KLHDC4: variants seen among roughly 807,000 people sequenced by gnomAD.
KLHDC4 encodes the protein kelch domain-containing protein 4.
In KLHDC4, 90 loss-of-function variants were observed where a neutral mutation model predicts 62.4. That is an observed-to-expected ratio of 1.44 (90% CI 1.22 to 1.72). The LOEUF (loss-of-function observed/expected upper bound fraction) is 1.72. Among genes scored for constraint, KLHDC4 ranks in the 40% most tolerant of loss-of-function variants. The probability of loss-of-function intolerance (pLI) is 0.00; values close to 1 mark genes in which losing one functional copy is unlikely to be tolerated. For synonymous variants in KLHDC4, 386 were observed against 284.4 expected (o/e 1.36, Z -3.59); for missense variants, 1,025 against 699.7 (o/e 1.47, Z -5.25).
intron 8 of KLHDC4, among the ~76,000 whole-genome samples, chr16:87,712,989 A>G (rs1446354941): frequency 6.6e-6 from 1 of 152,018 alleles, no homozygotes; most frequent in Admixed American, 6.6e-5. Context: ...TCCTGGCATC[A>G]CTCTCTTGCT....
At chr16:87,709,875 A>C in intron 9 of KLHDC4, 2 of 602,472 alleles carry the variant, frequency 3.3e-6, no homozygotes, top group Non-Finnish European at 5.7e-6. Flanking sequence ...CTCGCCGTTC[A>C]CTCCTGGGCT....
intron 4 of KLHDC4, among the ~76,000 whole-genome samples, chr16:87,752,142 C>A (rs1184230585): frequency 7.0e-6 from 1 of 143,742 alleles, no homozygotes; most frequent in African/African-American, 2.6e-5. Flanking sequence ...CACAGTGGCT[C>A]ACGCCTGTAA....
intron 7 of KLHDC4, among the ~76,000 whole-genome samples, chr16:87,719,488 T>A (rs1363379313): frequency 1.3e-5 from 2 of 152,108 alleles, no homozygotes; most frequent in African/African-American, 4.8e-5. Flanking sequence ...TTAAGAGTCA[T>A]CACCACTCCC....
At chr16:87,724,844 A>G (rs1389860548) in intron 7 of KLHDC4, among the ~76,000 whole-genome samples, 1 of 152,156 alleles carries the variant, frequency 6.6e-6, no homozygotes, top group Non-Finnish European at 1.5e-5. Flanking sequence ...TATTTACCCA[A>G]GAGAAACCAA....
chr16:87,736,360 A>G (rs999645906), intron 5 of KLHDC4, among the ~76,000 whole-genome samples: 1 of 152,198 alleles, frequency 6.6e-6, no homozygotes, highest in African/African-American at 2.4e-5. Flanking sequence ...AAACATCGTG[A>G]GGCAGCCCGA....
chr16:87,733,909 G>A (rs1038289708), intron 5 of KLHDC4, among the ~76,000 whole-genome samples: 11 of 152,230 alleles, frequency 7.2e-5, no homozygotes, highest in Admixed American at 7.2e-4. Flanking sequence ...GCAAAGGATG[G>A]TTACAGCTTC....
At chr16:87,758,063 G>GA in intron 2 of KLHDC4, among the ~76,000 whole-genome samples, 1 of 152,130 alleles carries the variant, frequency 6.6e-6, no homozygotes, top group Non-Finnish European at 1.5e-5. Flanking sequence ...TTTCTCAAAG[G>GA]AAAAACAGGT....
At chr16:87,745,454 G>A (rs560687068) in intron 5 of KLHDC4, among the ~76,000 whole-genome samples, 1 of 152,368 alleles carries the variant, frequency 6.6e-6, no homozygotes, top group East Asian at 1.9e-4. Flanking sequence ...GATGCTGCAG[G>A]TACCTTCTCC....
intron 4 of KLHDC4, among the ~76,000 whole-genome samples, chr16:87,749,588 G>GT (rs1237110264): frequency 1.3e-5 from 2 of 149,580 alleles, no homozygotes; most frequent in Admixed American, 6.7e-5. Context: ...AAGTGTTTAT[G>GT]TTTTTTCCTT....
chr16:87,729,866 C>T (rs1401116491), intron 6 of KLHDC4, among the ~76,000 whole-genome samples: 2 of 152,238 alleles, frequency 1.3e-5, no homozygotes, highest in African/African-American at 4.8e-5. Flanking sequence ...TCACTCCAGG[C>T]CTCTGACTCA....
chr16:87,719,679 A>G (rs956785874), intron 7 of KLHDC4, among the ~76,000 whole-genome samples: 2 of 152,188 alleles, frequency 1.3e-5, no homozygotes, highest in Non-Finnish European at 2.9e-5. Flanking sequence ...CTAAAAAAAA[A>G]AAACAAAAAA....
chr16:87,762,225 C>T, intron 1 of KLHDC4, 185 bp from the exon 2 acceptor site: 1 of 1,271,284 alleles, frequency 7.9e-7, no homozygotes, highest in Non-Finnish European at 1.0e-6. Flanking sequence ...AGCTTGACCT[C>T]AAAGGCAGTC....
chr16:87,702,055 C>G (rs1196931865), exon 1 of KLHDC4: 2 of 456,196 alleles, frequency 4.4e-6, no homozygotes, highest in East Asian at 1.4e-4. Flanking sequence ...CCTGGTGACC[C>G]CAGGCTGCTG....
At chr16:87,753,913 T>C (rs111330429) in intron 4 of KLHDC4, among the ~76,000 whole-genome samples, 3,138 of 141,854 alleles carry the variant, frequency 0.022, 111 homozygotes, top group African/African-American at 0.077. Flanking sequence ...GCGGAGGTTG[T>C]AGTGAGATGA....
exon 1 of KLHDC4, chr16:87,700,417 G>T (rs1269586426): frequency 1.3e-5 from 2 of 156,452 alleles, no homozygotes; most frequent in Non-Finnish European, 2.9e-5. Context: ...CCGGGCCAGG[G>T]TCTGCCTCCA....
chr16:87,751,674 T>A (rs1338161533), intron 4 of KLHDC4, among the ~76,000 whole-genome samples: 2 of 152,174 alleles, frequency 1.3e-5, no homozygotes, highest in East Asian at 3.9e-4. Context: ...ACCCCAACAC[T>A]GTGGGAGGCT....
At chr16:87,713,777 C>T (rs2036368144) in intron 8 of KLHDC4, among the ~76,000 whole-genome samples, 1 of 152,202 alleles carries the variant, frequency 6.6e-6, no homozygotes, top group Non-Finnish European at 1.5e-5. Flanking sequence ...GGGCTGTCCC[C>T]TAGGTCATCC....
At chr16:87,706,649 G>T (rs550643673), downstream of KLHDC4, among the ~76,000 whole-genome samples, 1 of 152,220 alleles carries the variant, frequency 6.6e-6, no homozygotes, top group Non-Finnish European at 1.5e-5. Context: ...AGGTCACACC[G>T]ATGGCAGTGG....
At position 87,714,258 on chromosome 16, in the gene KLHDC4, C is replaced by T. The variant is rs568481516; in HGVS notation, c.835+240G>A. ...CAGAGGGCTGTCTGCAGGGTAACAG[C>T]GCCCGTGCTTCTCAGTCAGTCCATC... On this transcript the variant is annotated intron_variant, in intron 8 of 11. Transcript: ENST00000270583. 24 of 425,132 alleles carry T rather than the reference C, an allele frequency of 5.6e-5. 1 individual carries two copies. The South Asian group carries it at 1.6e-3, about 28-fold the overall frequency. The allele number at this position is 425,132 out of a possible 1,614,324, so 26.3% of individuals were successfully genotyped here.
Sources: allele counts gnomAD v4.1 joint callset (sites outside exome capture counted in the v4.1 genomes callset), GRCh38; gene constraint gnomAD v4.1.1; transcripts MANE v1.5; gene names NCBI Gene and HGNC (gene_info 2026-07-23, HGNC 2026-07-21).